CCSER1: variants seen among roughly 807,000 people sequenced by gnomAD.
CCSER1 encodes serine-rich coiled-coil domain-containing protein 1.
In CCSER1, 41 loss-of-function variants were observed where a neutral mutation model predicts 82.0. The observed-to-expected ratio is 0.50, with a 90% confidence interval of 0.39 to 0.65. The LOEUF (loss-of-function observed/expected upper bound fraction) is 0.65, where lower values mean the gene tolerates loss of function less well. CCSER1 is among the 30% of genes least tolerant of loss of function. The probability of loss-of-function intolerance (pLI) is 0.00; values close to 1 mark genes in which losing one functional copy is unlikely to be tolerated. For synonymous variants in CCSER1, 414 were observed against 383.9 expected (o/e 1.08, Z -0.92); for missense variants, 1,119 against 1,064.2 (o/e 1.05, Z -0.72).
intron 9 of CCSER1, among the ~76,000 whole-genome samples, chr4:90,932,728 TA>T (rs1178113395): frequency 7.0e-6 from 1 of 143,272 alleles, no homozygotes; most frequent in Non-Finnish European, 1.5e-5. Flanking sequence ...CTCAAGAGGC[TA>T]AGGCAGGAGA....
intron 1 of CCSER1, among the ~76,000 whole-genome samples, chr4:90,297,608 C>A (rs896347124): frequency 1.3e-5 from 2 of 149,872 alleles, no homozygotes; most frequent in African/African-American, 5.0e-5. Flanking sequence ...TTTGCCCATT[C>A]AGTATGATAT....
intron 7 of CCSER1, among the ~76,000 whole-genome samples, chr4:90,747,593 G>T (rs984799966): frequency 4.6e-5 from 7 of 151,618 alleles, no homozygotes; most frequent in African/African-American, 1.5e-4. Context: ...TCTCTTTCTC[G>T]GTTTTGCCTG....
At chr4:91,460,550 G>A (rs1340762329) in intron 10 of CCSER1, among the ~76,000 whole-genome samples, 1 of 152,136 alleles carries the variant, frequency 6.6e-6, no homozygotes. Context: ...GCTAGTCTGA[G>A]TCTTGGTGAT....
At chr4:91,291,024 T>G (rs1337926668) in intron 10 of CCSER1, among the ~76,000 whole-genome samples, 1 of 151,606 alleles carries the variant, frequency 6.6e-6, no homozygotes, top group African/African-American at 2.4e-5. Context: ...TTTGACTTTT[T>G]GATTATTAAA....
intron 1 of CCSER1, among the ~76,000 whole-genome samples, chr4:90,210,778 A>T (rs1739842336): frequency 6.6e-6 from 1 of 152,152 alleles, no homozygotes; most frequent in South Asian, 2.1e-4. Flanking sequence ...AAAATAAAAG[A>T]CACAGATGGC....
chr4:90,343,558 A>G (rs1332291472), intron 3 of CCSER1, among the ~76,000 whole-genome samples: 1 of 152,090 alleles, frequency 6.6e-6, no homozygotes, highest in African/African-American at 2.4e-5. Flanking sequence ...CGGAGGTTGC[A>G]GTGAGCTGAG....
At chr4:91,574,883 CTAAAA>C (rs1763368781) in intron 10 of CCSER1, among the ~76,000 whole-genome samples, 1 of 151,682 alleles carries the variant, frequency 6.6e-6, no homozygotes, top group African/African-American at 2.4e-5. Flanking sequence ...CCCCGAGAAT[CTAAAA>C]TAAAAGTTGA....
At chr4:91,412,488 G>C (rs1753114744) in intron 10 of CCSER1, among the ~76,000 whole-genome samples, 1 of 149,818 alleles carries the variant, frequency 6.7e-6, no homozygotes, top group African/African-American at 2.4e-5. Flanking sequence ...TCCATCTGTG[G>C]ACATGAAAGC....
chr4:91,329,782 AAAATTGT>A (rs1746818275), intron 10 of CCSER1, among the ~76,000 whole-genome samples: 1 of 152,146 alleles, frequency 6.6e-6, no homozygotes, highest in Non-Finnish European at 1.5e-5. Flanking sequence ...TTTCTTATGT[AAAATTGT>A]TAGTGATTCT....
chr4:91,541,675 C>T (rs1761607251), intron 10 of CCSER1, among the ~76,000 whole-genome samples: 1 of 152,070 alleles, frequency 6.6e-6, no homozygotes, highest in Non-Finnish European at 1.5e-5. Flanking sequence ...GTGAATAGTG[C>T]CACAATAAAC....
chr4:90,845,072 T>C (rs1411456994), intron 8 of CCSER1, among the ~76,000 whole-genome samples: 1 of 152,088 alleles, frequency 6.6e-6, no homozygotes, highest in Non-Finnish European at 1.5e-5. Flanking sequence ...TCTTAAAGAA[T>C]ATTTGTTAGG....
At chr4:91,177,286 C>T (rs563975240) in intron 10 of CCSER1, among the ~76,000 whole-genome samples, 185 of 152,118 alleles carry the variant, frequency 1.2e-3, no homozygotes, top group Non-Finnish European at 2.1e-3. Context: ...TTCTCTTTTT[C>T]TGCTGTGTCT....
At chr4:90,932,984 G>GAGAA (rs1730239405) in intron 9 of CCSER1, among the ~76,000 whole-genome samples, 1 of 20,530 alleles carries the variant, frequency 4.9e-5, no homozygotes, top group South Asian at 1.2e-3. Context: ...GAAAGAAAGA[G>GAGAA]AAAGAAAGAA....
At chr4:90,776,665 A>T (rs1203501768) in intron 7 of CCSER1, among the ~76,000 whole-genome samples, 1 of 152,228 alleles carries the variant, frequency 6.6e-6, no homozygotes, top group Non-Finnish European at 1.5e-5. Context: ...AATTATTTAC[A>T]TGTATTAACA....
In CCSER1 at chr4:90,814,908, T is replaced by G. The variant is rs1202384088; in HGVS notation, c.2011-854T>G. ...CTGTCTTCTGAGCCCTCCAAACTGT[T>G]CCAACCTCTGCCCATTACCCAGTTT... On this transcript the variant is annotated intron_variant, in intron 7 of 10. Transcript: ENST00000509176. Among the ~76,000 whole-genome samples the G allele has an allele frequency of 2.0e-5, 3 of 152,152 alleles. No homozygotes were observed. In the East Asian group the frequency reaches 5.8e-4, roughly 29 times the overall value.
chr4:91,057,467 G>A (rs1381356534), intron 9 of CCSER1, among the ~76,000 whole-genome samples: 3 of 152,102 alleles, frequency 2.0e-5, no homozygotes, highest in African/African-American at 4.8e-5. Flanking sequence ...AGAAGCATGA[G>A]AGAAACAGTA....
chr4:91,118,124 TG>T (rs1388116432), intron 10 of CCSER1, among the ~76,000 whole-genome samples: 1 of 152,294 alleles, frequency 6.6e-6, no homozygotes, highest in South Asian at 2.1e-4. Flanking sequence ...TTCTAATCGT[TG>T]ATACTATGTT....
At chr4:90,910,931 A>T (rs1726240250) in intron 8 of CCSER1, among the ~76,000 whole-genome samples, 1 of 152,246 alleles carries the variant, frequency 6.6e-6, no homozygotes, top group Non-Finnish European at 1.5e-5. Flanking sequence ...CACAGAATGT[A>T]AGTCTAAATA....
chr4:90,492,728 T>G (rs1348650882), intron 5 of CCSER1, among the ~76,000 whole-genome samples: 2 of 152,220 alleles, frequency 1.3e-5, no homozygotes, highest in Non-Finnish European at 2.9e-5. Context: ...GTCTTTGTTC[T>G]CATTGGTTTC....
Sources: gnomAD v4.1 joint callset for allele counts (sites outside exome capture counted in the v4.1 genomes callset) on GRCh38, gnomAD v4.1.1 for gene constraint, MANE v1.5 for transcripts, NCBI Gene and HGNC (gene_info 2026-07-23, HGNC 2026-07-21) for gene names.